Variants in COL28A1 observed in about 807,000 individuals in gnomAD.
The protein encoded by COL28A1 is collagen alpha-1(XXVIII) chain.
COL28A1 carries 161 observed loss-of-function variants against 150.2 expected under a neutral mutation model. The ratio of observed to expected loss-of-function variants is 1.07; its 90% confidence interval spans 0.94 to 1.22. The LOEUF (loss-of-function observed/expected upper bound fraction) is 1.22, where lower values mean the gene tolerates loss of function less well. COL28A1 is among the 50% of genes most tolerant of loss of function. The probability of loss-of-function intolerance (pLI) is 0.00; values close to 1 mark genes in which losing one functional copy is unlikely to be tolerated. For synonymous variants in COL28A1, 552 were observed against 469.7 expected (o/e 1.18, Z -2.26); for missense variants, 1,617 against 1,388.3 (o/e 1.16, Z -2.62).
At chr7:7,354,420 G>C (rs1287369303), downstream of COL28A1, among the ~76,000 whole-genome samples, 1 of 152,188 alleles carries the variant, frequency 6.6e-6, no homozygotes, top group Non-Finnish European at 1.5e-5. Context: ...TCAAAGTATA[G>C]TGAAATTAAG....
chr7:7,418,373 A>G (rs1038440075), intron 26 of COL28A1, among the ~76,000 whole-genome samples: 3 of 152,262 alleles, frequency 2.0e-5, no homozygotes, highest in Non-Finnish European at 2.9e-5. Flanking sequence ...GTGGATATCA[A>G]TGTCCAAATT....
chr7:7,517,369 T>G lies in COL28A1; in HGVS notation c.855+427A>C, dbSNP rs529950624. 2.6e-5 allele frequency among the ~76,000 whole-genome samples: 4 copies of G among 152,302 alleles called. No homozygotes were observed. The East Asian group carries it at 7.7e-4, about 29-fold the overall frequency. ...GGGCAATATCCACTATCTTCTAATT[T>G]GGGGTATAAGAAATCAAATAGAATG... On this transcript the variant is annotated intron_variant, in intron 7 of 34. Transcript: ENST00000399429.
chr7:7,537,740 C>T (rs975055710), upstream of COL28A1, among the ~76,000 whole-genome samples: 1 of 152,096 alleles, frequency 6.6e-6, no homozygotes, highest in Non-Finnish European at 1.5e-5. Context: ...AAAGAAGAAA[C>T]GGTGGGTATA....
At chr7:7,354,133 CA>C (rs1395408270), downstream of COL28A1, among the ~76,000 whole-genome samples, 1 of 151,986 alleles carries the variant, frequency 6.6e-6, no homozygotes, top group Non-Finnish European at 1.5e-5. Context: ...GCTGGGACTA[CA>C]GGCACCCATC....
intron 12 of COL28A1, among the ~76,000 whole-genome samples, chr7:7,489,999 G>A (rs879098248): frequency 2.0e-5 from 3 of 152,124 alleles, no homozygotes; most frequent in Admixed American, 2.0e-4. Flanking sequence ...ACACTGTTTT[G>A]TACTGCTTGC....
intron 15 of COL28A1, among the ~76,000 whole-genome samples, chr7:7,460,214 A>C (rs1354815156): frequency 6.6e-6 from 1 of 152,158 alleles, no homozygotes; most frequent in East Asian, 1.9e-4. Context: ...CAGAGTCAAC[A>C]AGCCTTGCTA....
chr7:7,418,317 T>C (rs1370704350), intron 26 of COL28A1, among the ~76,000 whole-genome samples: 1 of 152,198 alleles, frequency 6.6e-6, no homozygotes, highest in Non-Finnish European at 1.5e-5. Flanking sequence ...TGTTGCTCCA[T>C]TTCAATATAA....
chr7:7,495,210 T>A (rs955303929), intron 11 of COL28A1, among the ~76,000 whole-genome samples: 3 of 152,174 alleles, frequency 2.0e-5, no homozygotes, highest in African/African-American at 7.2e-5. Flanking sequence ...TTTTAAAGTA[T>A]TAATTATTTT....
At chr7:7,339,648 G>A in the COL28A1 span, among the ~76,000 whole-genome samples, 4 of 151,802 alleles carry the variant, frequency 2.6e-5, no homozygotes, top group Non-Finnish European at 4.4e-5. Flanking sequence ...TCATTTTCTT[G>A]CATAAAACTT....
chr7:7,389,612 A>T (rs191884316), intron 27 of COL28A1, among the ~76,000 whole-genome samples: 2 of 152,256 alleles, frequency 1.3e-5, no homozygotes, highest in Non-Finnish European at 1.5e-5. Flanking sequence ...CACAATATTG[A>T]TTCTTCCTGT....
intron 11 of COL28A1, among the ~76,000 whole-genome samples, chr7:7,502,041 C>A (rs986669034): frequency 1.3e-4 from 20 of 152,244 alleles, no homozygotes; most frequent in African/African-American, 4.3e-4. Context: ...ATCACAGGCG[C>A]CCGCCACCAC....
intron 3 of COL28A1, among the ~76,000 whole-genome samples, chr7:7,528,667 G>A (rs887196994): frequency 6.6e-6 from 1 of 152,156 alleles, no homozygotes. Context: ...ATTTGAGTTT[G>A]TATAAAATTC....
At chr7:7,512,908 C>T (rs1214257525) in intron 8 of COL28A1, among the ~76,000 whole-genome samples, 1 of 152,236 alleles carries the variant, frequency 6.6e-6, no homozygotes, top group African/African-American at 2.4e-5. Flanking sequence ...AGTGCCACTA[C>T]ACAATGACAA....
At position 7,401,194 on chromosome 7, in the gene COL28A1, A is replaced by T. The variant is rs542303054; in HGVS notation, c.2136+16665T>A. Among the ~76,000 whole-genome samples, 50 of 152,074 alleles carry T rather than the reference A, an allele frequency of 3.3e-4. 2 individuals carry two copies. The South Asian group carries it at 9.8e-3, about 30-fold the overall frequency. On this transcript the variant is annotated intron_variant, in intron 27 of 34. Transcript: ENST00000399429. ...TTCTGTCTACCCCACTGGCCACTCC[A>T]TCTCAGCCTTCTTTGCCAGGTCCTC... is the stretch of plus-strand genomic sequence containing the variant.
At chr7:7,436,063 C>G (rs1785317760) in intron 23 of COL28A1, among the ~76,000 whole-genome samples, 1 of 152,162 alleles carries the variant, frequency 6.6e-6, no homozygotes, top group Non-Finnish European at 1.5e-5. Flanking sequence ...CTTTTTTGGA[C>G]AATGTTTTGC....
intron 9 of COL28A1, among the ~76,000 whole-genome samples, chr7:7,509,612 C>T (rs1427587479): frequency 1.3e-5 from 2 of 151,878 alleles, no homozygotes; most frequent in Non-Finnish European, 2.9e-5. Context: ...GTCAATTGCA[C>T]CTTACATTTA....
the COL28A1 span, among the ~76,000 whole-genome samples, chr7:7,348,529 T>A: frequency 6.6e-6 from 1 of 152,142 alleles, no homozygotes; most frequent in African/African-American, 2.4e-5. Flanking sequence ...TTTAAAAGCT[T>A]TATTGAGCTA....
intron 23 of COL28A1, among the ~76,000 whole-genome samples, chr7:7,432,997 C>A (rs1785091399): frequency 6.6e-6 from 1 of 152,082 alleles, no homozygotes; most frequent in African/African-American, 2.4e-5. Flanking sequence ...AATCTATTCT[C>A]TTCATTAATG....
chr7:7,373,532 A>C lies in COL28A1; in HGVS notation c.2374T>G (p.Cys792Gly). 2 of 1,609,622 alleles carry C rather than the reference A, an allele frequency of 1.2e-6. No homozygotes were observed. The highest frequency in any genetic ancestry group is 1.7e-6 in the Non-Finnish European group (2 of 1,177,660). Reference sequence around the variant, plus strand: ...ACCAGCTCTAGTGGAGTCTCTTTGCATTTGGGCCCACAACCTAAAAGATGA... The same window carrying C: ...ACCAGCTCTAGTGGAGTCTCTTTGCCTTTGGGCCCACAACCTAAAAGATGA... ...ITEICGCGPK[C>G]KETPLELVFV... Residue 792 changes from cysteine (C) to glycine (G), a missense_variant, in exon 32 of 35, where the codon TGC (cysteine) becomes GGC (glycine). Physicochemically the swap from Cys to Gly is radical, Grantham distance 159. Transcript: ENST00000399429. The surrounding 1 kb of genome is among the most constrained non-coding windows in gnomAD (Gnocchi z 4.1).
Sources: allele counts gnomAD v4.1 joint callset (sites outside exome capture counted in the v4.1 genomes callset), GRCh38; gene constraint gnomAD v4.1.1; non-coding constraint Gnocchi (gnomAD v3.1); transcripts MANE v1.5; gene names NCBI Gene and HGNC (gene_info 2026-07-23, HGNC 2026-07-21).